PRKCB: variants seen among roughly 807,000 people sequenced by gnomAD.
PRKCB encodes the protein protein kinase C beta type.
In PRKCB, 13 loss-of-function variants were observed where a neutral mutation model predicts 81.5. That is an observed-to-expected ratio of 0.16 (90% CI 0.10 to 0.25). The LOEUF is 0.25. PRKCB is among the 10% of genes least tolerant of loss of function. The pLI is 1.00. For missense variants in PRKCB, 509 were observed against 875.7 expected (o/e 0.58, Z 5.29); for synonymous variants, 335 against 321.4 (o/e 1.04, Z -0.45).
At chr16:23,941,390 T>G (rs963677923) in intron 2 of PRKCB, among the ~76,000 whole-genome samples, 1 of 152,200 alleles carries the variant, frequency 6.6e-6, no homozygotes, top group East Asian at 1.9e-4. Context: ...AAAAGGACAC[T>G]GTCTCACTTC....
chr16:23,937,182 A>G (rs1964073505), intron 2 of PRKCB, among the ~76,000 whole-genome samples: 1 of 152,208 alleles, frequency 6.6e-6, no homozygotes, highest in African/African-American at 2.4e-5. Context: ...TTTGTTAAAA[A>G]TGTGGACCCT....
At chr16:24,147,932 T>A (rs1274732198) in intron 9 of PRKCB, among the ~76,000 whole-genome samples, 1 of 152,168 alleles carries the variant, frequency 6.6e-6, no homozygotes, top group Admixed American at 6.5e-5. Flanking sequence ...AACGTTGCCC[T>A]TTTTTTCCTT....
At position 23,900,220 on chromosome 16, in the gene PRKCB, G is replaced by A. The variant is rs182824786; in HGVS notation, c.205+62814G>A. Among the ~76,000 whole-genome samples, 439 of 152,214 alleles carry A rather than the reference G, an allele frequency of 2.9e-3. 4 individuals carry two copies. The highest frequency in any genetic ancestry group is 0.01 in the African/African-American group (421 of 41,506). ...ACAGTGTCCACAGTGCCATGGTTGA[G>A]AAACCTTGATCTAACTGCTTATGAC... On this transcript the variant is annotated intron_variant, in intron 2 of 16. Transcript: ENST00000643927.
At chr16:24,178,223 CT>C (rs1967565214) in intron 12 of PRKCB, among the ~76,000 whole-genome samples, 1 of 152,238 alleles carries the variant, frequency 6.6e-6, no homozygotes, top group Admixed American at 6.5e-5. Flanking sequence ...AACTTAGTGT[CT>C]GATTTACTGA....
intron 16 of PRKCB, chr16:24,208,116 A>C (rs1968075904): frequency 6.6e-6 from 1 of 151,844 alleles, no homozygotes. Context: ...TCTTTAAAAG[A>C]TCCCTTTAGC....
chr16:23,863,155 T>TAC (rs1161727757), intron 2 of PRKCB, among the ~76,000 whole-genome samples: 1 of 147,210 alleles, frequency 6.8e-6, no homozygotes, highest in Non-Finnish European at 1.5e-5. Flanking sequence ...TGTATATATA[T>TAC]ACACATGCAT....
chr16:23,925,061 T>C (rs1963877714), intron 2 of PRKCB, among the ~76,000 whole-genome samples: 1 of 152,058 alleles, frequency 6.6e-6, no homozygotes, highest in African/African-American at 2.4e-5. Context: ...GACCATTGAT[T>C]GGCACATCTG....
chr16:24,173,514 T>C (rs981802128), intron 11 of PRKCB, among the ~76,000 whole-genome samples: 2 of 152,222 alleles, frequency 1.3e-5, no homozygotes, highest in African/African-American at 4.8e-5. Context: ...ATTTGCATTA[T>C]TCTTGTGCTT....
At chr16:24,023,499 G>A (rs1965435398) in intron 3 of PRKCB, among the ~76,000 whole-genome samples, 1 of 152,164 alleles carries the variant, frequency 6.6e-6, no homozygotes, top group Admixed American at 6.5e-5. Flanking sequence ...CTCCTGAATA[G>A]CTGGGACTAC....
At chr16:23,878,880 C>A (rs1963059395) in intron 2 of PRKCB, among the ~76,000 whole-genome samples, 1 of 151,990 alleles carries the variant, frequency 6.6e-6, no homozygotes, top group Non-Finnish European at 1.5e-5. Flanking sequence ...CCTTAAGAGG[C>A]AATGTAGTGT....
chr16:24,071,986 C>T (rs1966113760), intron 5 of PRKCB, among the ~76,000 whole-genome samples: 1 of 152,068 alleles, frequency 6.6e-6, no homozygotes, highest in African/African-American at 2.4e-5. Context: ...ATTCAGTTTG[C>T]TACTTGTTTA....
chr16:24,034,687 T>G (rs1333040625), intron 4 of PRKCB, among the ~76,000 whole-genome samples: 1 of 152,132 alleles, frequency 6.6e-6, no homozygotes, highest in African/African-American at 2.4e-5. Flanking sequence ...CCCCATCCCC[T>G]AGCTGTGGTT....
chr16:23,977,504 A>G (rs993310569), intron 2 of PRKCB, among the ~76,000 whole-genome samples: 1 of 152,196 alleles, frequency 6.6e-6, no homozygotes, highest in African/African-American at 2.4e-5. Flanking sequence ...AGTGCTGTAG[A>G]ATTGTATATG....
At chr16:24,189,779 C>A (rs1311046942) in intron 15 of PRKCB, among the ~76,000 whole-genome samples, 1 of 151,976 alleles carries the variant, frequency 6.6e-6, no homozygotes, top group Non-Finnish European at 1.5e-5. Flanking sequence ...GAGGGGGCAA[C>A]AGGCTGAGTG....
At chr16:24,006,814 C>G (rs748578604) in intron 3 of PRKCB, among the ~76,000 whole-genome samples, 1 of 144,836 alleles carries the variant, frequency 6.9e-6, no homozygotes, top group Non-Finnish European at 1.5e-5. Context: ...AAAGGAGAAT[C>G]GAAGTACTGA....
intron 7 of PRKCB, among the ~76,000 whole-genome samples, chr16:24,108,047 G>A (rs143742389): frequency 0.032 from 4,891 of 152,182 alleles, 156 homozygotes; most frequent in Non-Finnish European, 0.045. Context: ...CTTGCTCTTC[G>A]CTGATCTCCC....
intron 2 of PRKCB, among the ~76,000 whole-genome samples, chr16:23,912,507 C>CTTTTTTTTTTTTTTTTTTTTTTTTTTT (rs1210105406): frequency 1.4e-5 from 1 of 72,078 alleles, no homozygotes; most frequent in Non-Finnish European, 2.4e-5. Context: ...TTTCTTTCTT[C>CTTTTTTTTTTTTTTTTTTTTTTTTTTT]TTTTTTTTTT....
At chr16:24,130,093 T>C (rs1966851195) in intron 9 of PRKCB, among the ~76,000 whole-genome samples, 1 of 152,228 alleles carries the variant, frequency 6.6e-6, no homozygotes, top group Non-Finnish European at 1.5e-5. Flanking sequence ...TAACTGCAAA[T>C]GCACTTTACA....
At chr16:24,179,409 G>T (rs1329855049) in intron 12 of PRKCB, among the ~76,000 whole-genome samples, 1 of 152,192 alleles carries the variant, frequency 6.6e-6, no homozygotes, top group South Asian at 2.1e-4. Context: ...CAAGATGACC[G>T]AAGGGAAAGA....
Sources: allele counts gnomAD v4.1 joint callset (sites outside exome capture counted in the v4.1 genomes callset), GRCh38; gene constraint gnomAD v4.1.1; transcripts MANE v1.5; gene names NCBI Gene and HGNC (gene_info 2026-07-23, HGNC 2026-07-21).